Variants in ESRP1 observed in about 807,000 individuals in gnomAD.
ESRP1 encodes the protein epithelial splicing regulatory protein 1.
A neutral mutation model predicts 81.7 loss-of-function variants in ESRP1; 33 were observed. That is an observed-to-expected ratio of 0.40 (90% CI 0.31 to 0.54). The LOEUF is 0.54. Among genes scored for constraint, ESRP1 ranks in the 20% least tolerant of loss-of-function variants. The pLI is 0.41. For synonymous variants in ESRP1, 320 were observed against 303.3 expected, an observed-to-expected ratio of 1.06 and a Z score of -0.57; for missense variants, 672 against 833.1, an observed-to-expected ratio of 0.81 and a Z score of 2.38.
chr8:94,646,414 T>C, intron 4 of ESRP1, 132 bp downstream of exon 4: 1 of 576,120 alleles, frequency 1.7e-6, no homozygotes, highest in South Asian at 2.3e-5. Flanking sequence ...TTGTTTACTC[T>C]GCTGAGAAAC....
rs1554577935 is a variant in ESRP1, at chr8:94,668,789, A to ACGTGTGTGTG, written c.1233+539_1233+540insCGTGTGTGTG. On this transcript the variant is annotated intron_variant, in intron 10 of 15. Transcript: ENST00000433389. ...CTGTCCTGTTTTACTAGCTTTCAGC[A>ACGTGTGTGTG]TGTGTGTGTGTGTGTGTGTTTGAGA... 7.6e-5 allele frequency among the ~76,000 whole-genome samples: 11 copies of ACGTGTGTGTG among 143,870 alleles called. 1 individual carries two copies. The highest frequency in any genetic ancestry group is 5.5e-4 in the Admixed American group (8 of 14,438). 94.4% of individuals were successfully genotyped at this position (143,870 alleles called of 152,430 possible). A position where few individuals can be genotyped will look rare whatever the true frequency, so the allele number is the denominator to read the frequency against.
chr8:94,703,108 GTTTTTT>G (rs201767398), intron 15 of ESRP1, among the ~76,000 whole-genome samples: 2 of 128,534 alleles, frequency 1.6e-5, no homozygotes, highest in African/African-American at 2.9e-5. Context: ...GAGATTGATT[GTTTTTT>G]TTTTTTTTTT....
At chr8:94,646,362 T>C (rs904090600) in intron 4 of ESRP1, 80 bp downstream of exon 4, 8 of 1,006,336 alleles carry the variant, frequency 7.9e-6, no homozygotes, top group Admixed American at 5.3e-5. Flanking sequence ...TCAAACATTT[T>C]AAATTTTGTC....
chr8:94,657,892 G>T (rs562737041), intron 4 of ESRP1, among the ~76,000 whole-genome samples: 2 of 152,212 alleles, frequency 1.3e-5, no homozygotes, highest in South Asian at 4.2e-4. Flanking sequence ...GTGACTGGGT[G>T]AACTACTGAA....
intron 15 of ESRP1, among the ~76,000 whole-genome samples, chr8:94,702,734 C>T (rs567535014): frequency 7.2e-5 from 11 of 152,230 alleles, no homozygotes; most frequent in South Asian, 4.1e-4. Context: ...CCGCCTGCCT[C>T]GGCCTCCCAA....
In ESRP1 at chr8:94,641,185, GC is replaced by G. The variant is rs1817562378; in HGVS notation, c.-133del. On this transcript the variant is annotated 5_prime_UTR_variant, in exon 1 of 16. Transcript: ENST00000433389. The stretch of plus-strand genomic sequence containing the variant: ...TGGTTGGTTACCGCCTTTTGCACTA[GC>G]AGTAGCAAGGAAGGGGGGTGGGCGC... The G allele has an allele frequency of 1.2e-6, 1 of 853,272 alleles. No individual in the cohort carries two copies. The highest frequency in any genetic ancestry group is 2.9e-5 in the Admixed American group (1 of 34,836). 52.9% of individuals were successfully genotyped at this position (853,272 alleles called of 1,614,324 possible).
intron 4 of ESRP1, among the ~76,000 whole-genome samples, chr8:94,658,602 C>A (rs1818556928): frequency 1.3e-5 from 2 of 152,084 alleles, no homozygotes; most frequent in Non-Finnish European, 2.9e-5. Context: ...GCTAGGTAAT[C>A]CTGCCATTAA....
chr8:94,646,188 C>A lies in ESRP1; in HGVS notation c.396C>A (p.Cys132Ter). 6.2e-7 allele frequency: 1 copy of A among 1,609,766 alleles called. No homozygotes were observed. Among genetic ancestry groups the A allele is most frequent in the Non-Finnish European group, 8.5e-7 (1 of 1,176,728 alleles). Reference protein sequence around the residue: ...ASKKNVLLPECFYSFFDLRKE... With the variant: ...ASKKNVLLPE Reference sequence around the variant, plus strand: ...CTCAGAATGTACTATTACCTGAATGCTTCTATTCCTTTTTTGATCTTCGAA... The same window carrying A: ...CTCAGAATGTACTATTACCTGAATGATTCTATTCCTTTTTTGATCTTCGAA... Residue 132 changes from cysteine (C) to a stop codon, truncating the protein, a stop_gained, in exon 4 of 16, where the codon TGC becomes TGA. Coordinates refer to ENST00000433389, the MANE Select transcript of ESRP1 (RefSeq NM_017697.4). LOFTEE classifies it high-confidence loss of function.
chr8:94,658,024 G>A (rs1818523203), intron 4 of ESRP1, among the ~76,000 whole-genome samples: 1 of 152,140 alleles, frequency 6.6e-6, no homozygotes, highest in Non-Finnish European at 1.5e-5. Context: ...CGATTTTTGT[G>A]CCTCAGCCTC....
intron 15 of ESRP1, 63 bp downstream of exon 15, chr8:94,697,024 G>A (rs567310279): frequency 3.5e-6 from 4 of 1,136,664 alleles, no homozygotes; most frequent in Admixed American, 5.9e-5. Context: ...GATTCTGAAG[G>A]CATTTAGAAA....
intron 6 of ESRP1, among the ~76,000 whole-genome samples, chr8:94,663,199 C>T (rs1461638994): frequency 1.3e-5 from 2 of 152,112 alleles, no homozygotes; most frequent in African/African-American, 4.8e-5. Context: ...ATAGAGTTCA[C>T]AATTTTTACT....
At position 94,705,740 on chromosome 8, in the gene ESRP1, G is replaced by A. The variant is rs1810044303; in HGVS notation, c.*36-185G>A. Reference sequence around the variant, plus strand: ...CATGGAAACTTCCTTGGCTAGTGCTGTACTCCCAAAGCCCTTGCCATGTAA... The same window carrying A: ...CATGGAAACTTCCTTGGCTAGTGCTATACTCCCAAAGCCCTTGCCATGTAA... On this transcript the variant is annotated intron_variant, in intron 15 of 15. Coordinates refer to ENST00000433389, the MANE Select transcript of ESRP1 (RefSeq NM_017697.4). The A allele has an allele frequency of 2.8e-5, 16 of 581,068 alleles. No individual in the cohort carries two copies. In the South Asian group the frequency reaches 3.0e-4, roughly 11 times the overall value. The allele number at this position is 581,068 out of a possible 1,614,324, so 36.0% of individuals were successfully genotyped here.
At chr8:94,643,944 TAAATA>T (rs1817729779) in intron 3 of ESRP1, among the ~76,000 whole-genome samples, 1 of 152,240 alleles carries the variant, frequency 6.6e-6, no homozygotes, top group South Asian at 2.1e-4. Context: ...AAAGGCTACT[TAAATA>T]AGATAACCTT....
intron 4 of ESRP1, among the ~76,000 whole-genome samples, chr8:94,650,813 A>G (rs1357116888): frequency 2.0e-5 from 3 of 151,798 alleles, no homozygotes; most frequent in African/African-American, 4.8e-5. Flanking sequence ...CCAGGTTCAC[A>G]CCATTCTCCT....
intron 4 of ESRP1, among the ~76,000 whole-genome samples, chr8:94,654,601 T>C (rs1438505225): frequency 6.6e-6 from 1 of 152,058 alleles, no homozygotes; most frequent in African/African-American, 2.4e-5. Flanking sequence ...GTAATATTTG[T>C]TAGGTAGGGA....
rs200256445 is a variant in ESRP1, at chr8:94,668,110, C to A, written c.1093C>A (p.Pro365Thr). The change falls in exon 10 of 16, where the codon CCA becomes ACA. Residue 365 changes from proline (P) to threonine (T), a missense_variant. Physicochemically the swap from Pro to Thr is conservative, Grantham distance 38. Transcript: ENST00000433389. ...GGAAGGCATCCTCTTTGTCACCTAC[C>A]CAGATGGTAGGCCAACAGGGGACGC... The part of the protein sequence containing the change: ...GKEGILFVTY[P>T]DGRPTGDAFV... 1.2e-5 allele frequency: 19 copies of A among 1,613,888 alleles called. No homozygotes were observed. The highest frequency in any genetic ancestry group is 1.5e-5 in the Non-Finnish European group (18 of 1,179,896).
At chr8:94,647,042 G>C (rs1817889379) in intron 4 of ESRP1, among the ~76,000 whole-genome samples, 4 of 152,142 alleles carry the variant, frequency 2.6e-5, no homozygotes, top group African/African-American at 9.7e-5. Flanking sequence ...TTAAAACTAA[G>C]TTAACTTCAG....
At chr8:94,689,489 C>A (rs1167892445) in intron 13 of ESRP1, among the ~76,000 whole-genome samples, 1 of 151,350 alleles carries the variant, frequency 6.6e-6, no homozygotes, top group Non-Finnish European at 1.5e-5. Flanking sequence ...TCTTATGTAA[C>A]CTTGCTGAAC....
At chr8:94,694,193 T>C (rs1809508727) in intron 14 of ESRP1, among the ~76,000 whole-genome samples, 1 of 152,242 alleles carries the variant, frequency 6.6e-6, no homozygotes, top group Non-Finnish European at 1.5e-5. Context: ...GTTTTAGTAC[T>C]CAGCTGAATT....
Sources: allele counts gnomAD v4.1 joint callset (sites outside exome capture counted in the v4.1 genomes callset), GRCh38; gene constraint gnomAD v4.1.1; transcripts MANE v1.5; gene names NCBI Gene and HGNC (gene_info 2026-07-23, HGNC 2026-07-21).